Variants in DGKB observed in about 807,000 individuals in gnomAD.
DGKB encodes the protein 90 kDa diacylglycerol kinase.
A neutral mutation model predicts 114.3 loss-of-function variants in DGKB; 67 were observed. The observed-to-expected ratio is 0.59, with a 90% CI of 0.48 to 0.72. The LOEUF is 0.72. DGKB is among the 30% of genes least tolerant of loss of function. DGKB has a pLI of 0.00. For synonymous variants in DGKB, 398 were observed against 323.1 expected (o/e 1.23, Z -2.49); for missense variants, 907 against 975.2 (o/e 0.93, Z 0.93).
chr7:14,521,155 G>T (rs1446780183), intron 20 of DGKB, among the ~76,000 whole-genome samples: 1 of 151,784 alleles, frequency 6.6e-6, no homozygotes, highest in East Asian at 1.9e-4. Context: ...TAATATTTTC[G>T]TTTAACAACA....
intron 25 of DGKB, among the ~76,000 whole-genome samples, chr7:14,167,230 A>AAAG (rs57491283): frequency 2.6e-5 from 4 of 150,944 alleles, no homozygotes; most frequent in African/African-American, 9.7e-5. Flanking sequence ...AAAAAAAAAA[A>AAAG]TTCTGTTAAT....
At chr7:14,506,740 G>C (rs533308415) in intron 20 of DGKB, among the ~76,000 whole-genome samples, 3 of 152,220 alleles carry the variant, frequency 2.0e-5, no homozygotes, top group African/African-American at 7.2e-5. Flanking sequence ...TCATTCCTTG[G>C]AATTTTCCAC....
At chr7:14,463,359 T>G (rs191640043) in intron 21 of DGKB, among the ~76,000 whole-genome samples, 5 of 152,228 alleles carry the variant, frequency 3.3e-5, no homozygotes, top group African/African-American at 1.2e-4. Flanking sequence ...AAACTACATG[T>G]TCTGCACATG....
At chr7:14,457,197 C>A (rs1045636026) in intron 21 of DGKB, among the ~76,000 whole-genome samples, 1 of 151,980 alleles carries the variant, frequency 6.6e-6, no homozygotes, top group African/African-American at 2.4e-5. Context: ...TCATAGTGCA[C>A]TAGTAAAGAG....
chr7:14,494,620 A>T (rs570833900), intron 20 of DGKB, among the ~76,000 whole-genome samples: 17 of 152,076 alleles, frequency 1.1e-4, no homozygotes, highest in African/African-American at 3.9e-4. Context: ...ACAAAATATT[A>T]TGGGACACCT....
At chr7:14,405,165 A>AT (rs1823744540) in intron 21 of DGKB, among the ~76,000 whole-genome samples, 5 of 151,942 alleles carry the variant, frequency 3.3e-5, no homozygotes, top group Admixed American at 3.3e-4. Context: ...ACAGTGTTGC[A>AT]TATGTGGATA....
chr7:14,631,263 C>CAAAAAAAAAAAAAAAAAAA (rs35088925), intron 13 of DGKB, among the ~76,000 whole-genome samples: 1 of 98,432 alleles, frequency 1.0e-5, no homozygotes, highest in Non-Finnish European at 2.0e-5. Flanking sequence ...CAGCAAGAAC[C>CAAAAAAAAAAAAAAAAAAA]AAAAAAAAAA....
At chr7:14,828,972 T>C (rs1846063706) in intron 2 of DGKB, among the ~76,000 whole-genome samples, 1 of 151,988 alleles carries the variant, frequency 6.6e-6, no homozygotes, top group African/African-American at 2.4e-5. Flanking sequence ...CTAATGTTGC[T>C]AAGCAAGAAT....
intron 13 of DGKB, among the ~76,000 whole-genome samples, chr7:14,652,717 T>G (rs1322888057): frequency 6.7e-6 from 1 of 150,268 alleles, no homozygotes; most frequent in African/African-American, 2.4e-5. Flanking sequence ...ACAGGCAACC[T>G]ACAGAATGGG....
chr7:14,380,733 T>G (rs1819316749), intron 21 of DGKB, among the ~76,000 whole-genome samples: 1 of 152,178 alleles, frequency 6.6e-6, no homozygotes, highest in African/African-American at 2.4e-5. Context: ...TGCAAAGAAT[T>G]GTGCTGTAAT....
At chr7:14,772,170 T>C (rs1159914123) in intron 2 of DGKB, among the ~76,000 whole-genome samples, 2 of 152,146 alleles carry the variant, frequency 1.3e-5, no homozygotes, top group Non-Finnish European at 2.9e-5. Context: ...CCAACCACCT[T>C]AGGCATATGT....
chr7:14,205,717 G>T (rs1480040692), intron 23 of DGKB, among the ~76,000 whole-genome samples: 3 of 151,684 alleles, frequency 2.0e-5, no homozygotes, highest in African/African-American at 4.8e-5. Flanking sequence ...TTCATTTCTG[G>T]CCCCACAAGG....
At chr7:14,964,146 A>G (rs1787021217) in intron 1 of DGKB, among the ~76,000 whole-genome samples, 1 of 151,874 alleles carries the variant, frequency 6.6e-6, no homozygotes, top group Non-Finnish European at 1.5e-5. Flanking sequence ...AGAAGAAGGA[A>G]TAGAGTCACA....
intron 23 of DGKB, among the ~76,000 whole-genome samples, chr7:14,262,316 G>T (rs1796898419): frequency 6.6e-6 from 1 of 152,172 alleles, no homozygotes; most frequent in Non-Finnish European, 1.5e-5. Flanking sequence ...AAGAGGTGGT[G>T]CCTTTAGGAG....
intron 23 of DGKB, among the ~76,000 whole-genome samples, chr7:14,281,245 A>C (rs1244425294): frequency 6.6e-6 from 1 of 151,930 alleles, no homozygotes. Flanking sequence ...AAACCAACAA[A>C]GATCAAAAGA....
At chr7:14,945,202 T>G (rs1433400455) in intron 1 of DGKB, among the ~76,000 whole-genome samples, 2 of 151,846 alleles carry the variant, frequency 1.3e-5, no homozygotes, top group Non-Finnish European at 2.9e-5. Flanking sequence ...GGTATAAGTC[T>G]TCACAGGCAT....
In DGKB at chr7:14,148,157, T is replaced by C. The variant is rs1461978439; in HGVS notation, c.*974A>G. The C allele has an allele frequency of 6.6e-6, 1 of 152,596 alleles. No homozygotes were observed. Among genetic ancestry groups the C allele is most frequent in the African/African-American group, 2.4e-5 (1 of 41,456 alleles). 9.5% of individuals were successfully genotyped at this position (152,596 alleles called of 1,614,324 possible). A position where few individuals can be genotyped will look rare whatever the true frequency, so the allele number is the denominator to read the frequency against. ...TGATTGTGTTGTCTGGCTTATTGTCTGTCTGTGAAAGGTGAGAATTTTAAT... is the reference window on the plus strand; with the variant it reads ...TGATTGTGTTGTCTGGCTTATTGTCCGTCTGTGAAAGGTGAGAATTTTAAT... On this transcript the variant is annotated 3_prime_UTR_variant, in exon 26 of 26. Transcript: ENST00000402815.
intron 13 of DGKB, among the ~76,000 whole-genome samples, chr7:14,636,749 A>T (rs944139189): frequency 1.3e-5 from 2 of 151,950 alleles, no homozygotes; most frequent in African/African-American, 4.8e-5. Flanking sequence ...TTTAACCCAC[A>T]ACCTTATATT....
chr7:14,237,850 G>A (rs1331739881), intron 23 of DGKB, among the ~76,000 whole-genome samples: 4 of 151,904 alleles, frequency 2.6e-5, no homozygotes, highest in Non-Finnish European at 5.9e-5. Context: ...TTTAAGGAAT[G>A]TTAATCATTC....
Sources: allele counts gnomAD v4.1 joint callset (sites outside exome capture counted in the v4.1 genomes callset), GRCh38; gene constraint gnomAD v4.1.1; transcripts MANE v1.5; gene names NCBI Gene and HGNC (gene_info 2026-07-23, HGNC 2026-07-21).